Variants in VPS54 observed in about 807,000 individuals in gnomAD.
VPS54 encodes VPS54 subunit of GARP complex, also known as vacuolar protein sorting-associated protein 54.
VPS54 carries 45 observed loss-of-function variants against 121.5 expected under a neutral mutation model. The observed-to-expected ratio is 0.37, with a 90% CI of 0.29 to 0.47. The LOEUF (loss-of-function observed/expected upper bound fraction) is 0.47. VPS54 is among the 20% of genes least tolerant of loss of function. VPS54 has a pLI of 0.99. For synonymous variants in VPS54, 371 were observed against 385.8 expected, an observed-to-expected ratio of 0.96 and a Z score of 0.45; for missense variants, 1,090 against 1,131.4, an observed-to-expected ratio of 0.96 and a Z score of 0.52.
At chr2:63,984,327 T>C (rs563455020) in intron 1 of VPS54, among the ~76,000 whole-genome samples, 1 of 152,360 alleles carries the variant, frequency 6.6e-6, no homozygotes, top group South Asian at 2.1e-4. Context: ...ACACAGTAGT[T>C]ATGCATTATA....
chr2:63,893,140 A>G lies in VPS54; in HGVS notation c.*290T>C. On this transcript the variant is annotated 3_prime_UTR_variant, in exon 23 of 23. Coordinates refer to ENST00000272322, the MANE Select transcript of VPS54 (RefSeq NM_016516.3). ...AGTCAACTACAGCTGTGTTACAGCT[A>G]TGTGTTCTTTTGGATTTGGTCCAAA... The G allele has an allele frequency of 2.2e-6, 1 of 456,638 alleles. No homozygotes were observed. The highest frequency in any genetic ancestry group is 4.0e-6 in the Non-Finnish European group (1 of 247,056). 28.3% of individuals were successfully genotyped at this position (456,638 alleles called of 1,614,324 possible).
intron 2 of VPS54, among the ~76,000 whole-genome samples, chr2:63,982,091 C>A (rs1052790647): frequency 6.6e-6 from 1 of 152,056 alleles, no homozygotes; most frequent in Non-Finnish European, 1.5e-5. Flanking sequence ...AAAATATGCA[C>A]GAGATAAAAG....
At chr2:63,911,746 C>G (rs1415363785) in intron 20 of VPS54, among the ~76,000 whole-genome samples, 1 of 152,180 alleles carries the variant, frequency 6.6e-6, no homozygotes, top group African/African-American at 2.4e-5. Context: ...TGATCTTGGA[C>G]AGACAGTATA....
At chr2:63,931,063 C>G (rs1674172808) in intron 12 of VPS54, among the ~76,000 whole-genome samples, 1 of 152,150 alleles carries the variant, frequency 6.6e-6, no homozygotes, top group Non-Finnish European at 1.5e-5. Context: ...TAAGAAGAAT[C>G]AATATTGTGA....
intron 11 of VPS54, among the ~76,000 whole-genome samples, chr2:63,936,617 G>C (rs1346086890): frequency 6.6e-6 from 1 of 152,122 alleles, no homozygotes; most frequent in Non-Finnish European, 1.5e-5. Context: ...AAGAAGGTAA[G>C]CTGCATTTAA....
At chr2:64,008,766 A>AG in intron 1 of VPS54, among the ~76,000 whole-genome samples, 1 of 152,160 alleles carries the variant, frequency 6.6e-6, no homozygotes. Flanking sequence ...TATCAATGAA[A>AG]GAAGGAAGGA....
chr2:64,001,260 A>T (rs180675446), intron 1 of VPS54, among the ~76,000 whole-genome samples: 95 of 152,072 alleles, frequency 6.2e-4, no homozygotes, highest in African/African-American at 2.2e-3. Flanking sequence ...CCTGGGACTC[A>T]CCCTTCAGTA....
chr2:64,012,504 T>C (rs575407873), intron 1 of VPS54, among the ~76,000 whole-genome samples: 1 of 148,402 alleles, frequency 6.7e-6, no homozygotes, highest in South Asian at 2.2e-4. Context: ...TTTCCGTTCA[T>C]ATCCAAATGT....
chr2:64,017,084 C>T (rs1311305960), intron 1 of VPS54, among the ~76,000 whole-genome samples: 2 of 147,300 alleles, frequency 1.4e-5, no homozygotes, highest in African/African-American at 5.0e-5. Context: ...GCTCACACCT[C>T]TAATCCCAGC....
chr2:64,014,987 A>C (rs1190323735), intron 1 of VPS54, among the ~76,000 whole-genome samples: 2 of 152,164 alleles, frequency 1.3e-5, no homozygotes, highest in Non-Finnish European at 2.9e-5. Flanking sequence ...ATAAGCTTGG[A>C]ATTTTTCTGG....
At chr2:63,913,874 T>G in intron 17 of VPS54, 4 of 1,119,318 alleles carry the variant, frequency 3.6e-6, no homozygotes, top group Non-Finnish European at 4.4e-6. Context: ...CCATGCACAT[T>G]TGAAGCCAGT....
chr2:63,971,329 G>A (rs1676276129), intron 4 of VPS54, among the ~76,000 whole-genome samples: 1 of 152,144 alleles, frequency 6.6e-6, no homozygotes, highest in South Asian at 2.1e-4. Context: ...TCACATAAAT[G>A]TATAATCATA....
intron 20 of VPS54, among the ~76,000 whole-genome samples, chr2:63,900,520 A>G (rs1283071071): frequency 6.6e-6 from 1 of 152,216 alleles, no homozygotes; most frequent in South Asian, 2.1e-4. Flanking sequence ...TTTATTTATA[A>G]GACAAATTTG....
chr2:63,976,112 C>A (rs995049344), intron 3 of VPS54, among the ~76,000 whole-genome samples: 3 of 151,974 alleles, frequency 2.0e-5, no homozygotes, highest in African/African-American at 7.3e-5. Context: ...ATAGCCAACA[C>A]GGGCAGACTG....
chr2:63,962,153 C>T lies in VPS54; in HGVS notation c.915G>A (p.Val305=). 6.2e-7 allele frequency: 1 copy of T among 1,613,616 alleles called. No homozygotes were observed. Among genetic ancestry groups the T allele is most frequent in the Non-Finnish European group, 8.5e-7 (1 of 1,179,562 alleles). Residue 305 remains valine (V), a synonymous_variant, in exon 7 of 23, where the codon GTG becomes GTA. Coordinates refer to ENST00000272322, the MANE Select transcript of VPS54 (RefSeq NM_016516.3). ...TVHQTQPTVQ[V]LLSTSEFVGA... The stretch of plus-strand genomic sequence containing the variant: ...CAACAAATTCAGAAGTAGATAATAA[C>T]ACCTGTACTGTAGGCTGAGTCTGGT...
chr2:64,010,189 T>C (rs1041928595), intron 1 of VPS54, among the ~76,000 whole-genome samples: 3 of 152,232 alleles, frequency 2.0e-5, no homozygotes, highest in Non-Finnish European at 4.4e-5. Flanking sequence ...AGTCTATTTA[T>C]AATTTGAGAA....
At chr2:64,008,521 A>G (rs2104696839) in intron 1 of VPS54, among the ~76,000 whole-genome samples, 1 of 152,300 alleles carries the variant, frequency 6.6e-6, no homozygotes, top group African/African-American at 2.4e-5. Flanking sequence ...GCAAAGTGAG[A>G]AAGAAAGAAT....
chr2:63,999,832 GCTCA>G (rs1226583107), intron 1 of VPS54, among the ~76,000 whole-genome samples: 2 of 151,836 alleles, frequency 1.3e-5, no homozygotes, highest in African/African-American at 2.4e-5. Flanking sequence ...CTGTCTTCAA[GCTCA>G]CTAACTCTTT....
At chr2:63,998,705 T>C (rs139967519) in intron 1 of VPS54, among the ~76,000 whole-genome samples, 1 of 152,250 alleles carries the variant, frequency 6.6e-6, no homozygotes, top group Non-Finnish European at 1.5e-5. Flanking sequence ...TTTAACTATG[T>C]CCCCCCACTT....
Sources: gnomAD v4.1 joint callset for allele counts (sites outside exome capture counted in the v4.1 genomes callset) on GRCh38, gnomAD v4.1.1 for gene constraint, MANE v1.5 for transcripts, NCBI Gene and HGNC (gene_info 2026-07-23, HGNC 2026-07-21) for gene names.